PGM5: variants seen among roughly 807,000 people sequenced by gnomAD.
The protein encoded by PGM5 is phosphoglucomutase-like protein 5.
Under a neutral mutation model 59.2 loss-of-function variants are expected in PGM5, and 23 were observed. The observed-to-expected ratio is 0.39, with a 90% CI of 0.28 to 0.55. The LOEUF (loss-of-function observed/expected upper bound fraction) is 0.55. PGM5 is among the 20% of genes least tolerant of loss of function. PGM5 has a pLI of 0.66. For missense variants in PGM5, 574 were observed against 748.3 expected (o/e 0.77, Z 2.72); for synonymous variants, 214 against 286.0 (o/e 0.75, Z 2.54).
At chr9:68,402,042 C>T (rs1357651306) in intron 6 of PGM5, among the ~76,000 whole-genome samples, 4 of 152,114 alleles carry the variant, frequency 2.6e-5, no homozygotes, top group African/African-American at 9.7e-5. Context: ...GCAGGAGGAT[C>T]ACTTGAGGTC....
intron 6 of PGM5, among the ~76,000 whole-genome samples, chr9:68,416,641 A>G (rs1823037041): frequency 6.6e-6 from 1 of 152,232 alleles, no homozygotes. Flanking sequence ...AGCCTCAACA[A>G]TTTTCCCTAT....
intron 7 of PGM5, among the ~76,000 whole-genome samples, chr9:68,471,697 A>G (rs1279579392): frequency 6.6e-6 from 1 of 151,594 alleles, no homozygotes; most frequent in Non-Finnish European, 1.5e-5. Context: ...AGGCGGGTGA[A>G]CTCCTGAGGT....
intron 6 of PGM5, among the ~76,000 whole-genome samples, chr9:68,425,568 C>T (rs1296302308): frequency 1.3e-5 from 2 of 152,168 alleles, no homozygotes; most frequent in Non-Finnish European, 2.9e-5. Context: ...GAGTTTGGAT[C>T]AAATCCTATC....
intron 2 of PGM5, among the ~76,000 whole-genome samples, chr9:68,383,159 G>A (rs1554678489): frequency 6.6e-6 from 1 of 151,714 alleles, no homozygotes; most frequent in African/African-American, 2.4e-5. Flanking sequence ...CCACTTACTA[G>A]AATAGGACTA....
intron 7 of PGM5, among the ~76,000 whole-genome samples, chr9:68,468,590 G>A (rs1409252041): frequency 4.6e-5 from 7 of 152,120 alleles, no homozygotes; most frequent in Admixed American, 1.3e-4. Context: ...GTGTTGGATG[G>A]TGTGTAGAAT....
intron 6 of PGM5, among the ~76,000 whole-genome samples, chr9:68,445,816 G>T (rs1015724939): frequency 9.2e-5 from 14 of 152,188 alleles, no homozygotes; most frequent in African/African-American, 3.1e-4. Context: ...CCTCTCATTT[G>T]GGGAGTTACA....
intron 6 of PGM5, among the ~76,000 whole-genome samples, chr9:68,399,725 G>A (rs1395098319): frequency 2.0e-5 from 3 of 151,896 alleles, no homozygotes; most frequent in Admixed American, 6.6e-5. Flanking sequence ...CCCGTTGTCA[G>A]TTTTAGGCAC....
rs546003065 is a variant in PGM5, at chr9:68,431,251, C to T, written c.1044-33842C>T. On this transcript the variant is annotated intron_variant, in intron 6 of 10. Transcript: ENST00000396396. ...CCACTGCCGCCTTCCCACTACTCGC[C>T]AACACTGTCCACTTTTCTTTGCCTC... Among the ~76,000 whole-genome samples the T allele has an allele frequency of 1.6e-4, 24 of 152,334 alleles. No homozygotes were observed. In the South Asian group the frequency reaches 4.8e-3, roughly 30 times the overall value.
At position 68,456,452 on chromosome 9, in the gene PGM5, A is replaced by G. The variant is rs1440086168; in HGVS notation, c.1044-8641A>G. ...CAGCCTCCCGAGTAGCTGGGACTACAGGTGCCTGCCACCACGCCTGGCTAA... is the reference window on the plus strand; with the variant it reads ...CAGCCTCCCGAGTAGCTGGGACTACGGGTGCCTGCCACCACGCCTGGCTAA... On this transcript the variant is annotated intron_variant, in intron 6 of 10. Coordinates refer to ENST00000396396, the MANE Select transcript of PGM5 (RefSeq NM_021965.4). Among the ~76,000 whole-genome samples, 42 of 150,180 alleles carry G rather than the reference A, an allele frequency of 2.8e-4. 1 individual carries two copies. The highest frequency in any genetic ancestry group is 4.6e-4 in the Non-Finnish European group (31 of 67,730).
At chr9:68,441,386 A>G (rs1244584863) in intron 6 of PGM5, among the ~76,000 whole-genome samples, 1 of 152,192 alleles carries the variant, frequency 6.6e-6, no homozygotes, top group Non-Finnish European at 1.5e-5. Flanking sequence ...ATCATTAACA[A>G]AATATTAACA....
chr9:68,392,519 C>A (rs782229901), intron 6 of PGM5, 46 bp downstream of exon 6: 8 of 1,599,424 alleles, frequency 5.0e-6, no homozygotes, highest in Non-Finnish European at 6.8e-6. Context: ...AGACCTTTGG[C>A]GTTGATGTCT....
At chr9:68,500,746 G>GATATT (rs1824560175) in intron 10 of PGM5, among the ~76,000 whole-genome samples, 2 of 152,208 alleles carry the variant, frequency 1.3e-5, no homozygotes, top group South Asian at 4.1e-4. Flanking sequence ...CGTGAGGAAT[G>GATATT]ATATTCCTGG....
At chr9:68,385,881 C>A (rs1822205057) in intron 3 of PGM5, among the ~76,000 whole-genome samples, 1 of 151,988 alleles carries the variant, frequency 6.6e-6, no homozygotes, top group South Asian at 2.1e-4. Flanking sequence ...TCCCTGGCTT[C>A]CAAGAATTTG....
At chr9:68,483,759 G>T in intron 8 of PGM5, 106 bp from the exon 9 acceptor site, 1 of 970,792 alleles carries the variant, frequency 1.0e-6, no homozygotes, top group Admixed American at 2.1e-5. Flanking sequence ...GTGCATTTCT[G>T]TGCTGTCCTT....
At chr9:68,498,883 T>G (rs143056262) in intron 9 of PGM5, 18 of 249,200 alleles carry the variant, frequency 7.2e-5, no homozygotes, top group Non-Finnish European at 1.2e-4. Context: ...GGACAAACTT[T>G]GGCCCTAGGA....
At chr9:68,516,352 G>C (rs535323310) in intron 10 of PGM5, among the ~76,000 whole-genome samples, 1 of 152,252 alleles carries the variant, frequency 6.6e-6, no homozygotes, top group Non-Finnish European at 1.5e-5. Flanking sequence ...AGAAGGTGTG[G>C]TCTCTCTTTC....
At chr9:68,393,132 C>T (rs1189273158) in intron 6 of PGM5, among the ~76,000 whole-genome samples, 1 of 151,952 alleles carries the variant, frequency 6.6e-6, no homozygotes, top group Admixed American at 6.6e-5. Flanking sequence ...CATTGAATTT[C>T]AGAGTCTGAC....
chr9:68,391,575 G>T lies in PGM5; in HGVS notation c.739G>T (p.Gly247Trp). The part of the protein sequence containing the change: ...YVRKVLCDEL[G>W]APANSAINCV... ...GAGAAAAGTTCTGTGTGATGAGCTGGGGGCCCCAGCCAATTCTGCAATAAA... is the reference window on the plus strand; with the variant it reads ...GAGAAAAGTTCTGTGTGATGAGCTGTGGGCCCCAGCCAATTCTGCAATAAA... The change falls in exon 5 of 11, where the codon GGG becomes TGG. Residue 247 changes from glycine to tryptophan, a missense_variant. Gly to Trp is a radical substitution (Grantham distance 184). Around this residue, in one of 7 missense-constraint regions of PGM5, gnomAD observed 8 missense variants for 28.2 expected, o/e 0.28. Transcript: ENST00000396396. 1 of 1,613,340 alleles carries T rather than the reference G, an allele frequency of 6.2e-7. No homozygotes were observed. The highest frequency in any genetic ancestry group is 8.5e-7 in the Non-Finnish European group (1 of 1,179,508).
At chr9:68,403,485 G>A (rs1250399305) in intron 6 of PGM5, among the ~76,000 whole-genome samples, 2 of 152,108 alleles carry the variant, frequency 1.3e-5, no homozygotes, top group Non-Finnish European at 2.9e-5. Flanking sequence ...CACAAAACCG[G>A]TCCCTGGTGC....
Sources: allele counts gnomAD v4.1 joint callset (sites outside exome capture counted in the v4.1 genomes callset), GRCh38; gene constraint gnomAD v4.1.1; regional missense constraint gnomAD v4.1.1; transcripts MANE v1.5; gene names NCBI Gene and HGNC (gene_info 2026-07-23, HGNC 2026-07-21).